Variants in PCDH11X observed in about 807,000 individuals in gnomAD.
PCDH11X encodes protocadherin-11 X-linked.
A neutral mutation model predicts 53.3 loss-of-function variants in PCDH11X; 18 were observed. The observed-to-expected ratio is 0.34, with a 90% confidence interval of 0.23 to 0.50. The LOEUF (loss-of-function observed/expected upper bound fraction) is 0.50. Among genes scored for constraint, PCDH11X ranks in the 20% least tolerant of loss-of-function variants. PCDH11X has a pLI of 0.98. For missense variants in PCDH11X, 570 were observed against 1,032.4 expected (o/e 0.55, Z 6.14); for synonymous variants, 279 against 393.3 (o/e 0.71, Z 3.44).
chrX:92,395,781 G>A (rs1032418400), intron 9 of PCDH11X, among the ~76,000 whole-genome samples: 18 of 110,413 alleles, frequency 1.6e-4, no homozygotes, highest in Middle Eastern at 4.2e-3. Flanking sequence ...ATCGTTTATC[G>A]TGTTCTAAAA....
intron 6 of PCDH11X, among the ~76,000 whole-genome samples, chrX:92,088,406 C>T (rs1158597681): frequency 9.1e-6 from 1 of 110,316 alleles, no homozygotes; most frequent in Non-Finnish European, 1.9e-5. Context: ...TGCTTTGGTC[C>T]ATGTATCCAT....
At chrX:92,262,790 T>C (rs1005560019) in intron 7 of PCDH11X, among the ~76,000 whole-genome samples, 3 of 111,417 alleles carry the variant, frequency 2.7e-5, no homozygotes, top group Non-Finnish European at 3.8e-5. Context: ...GAATATCTAA[T>C]TGGAAGGGTG....
In PCDH11X at chrX:92,104,081, G is replaced by A. The variant is rs370399800; in HGVS notation, c.3034-97294G>A. Among the ~76,000 whole-genome samples the A allele has an allele frequency of 3.9e-4, 43 of 111,449 alleles. No individual in the cohort carries two copies. The East Asian group carries it at 6.8e-3, about 18-fold the overall frequency. On this transcript the variant is annotated intron_variant, in intron 6 of 10. Coordinates refer to ENST00000682573, the MANE Select transcript of PCDH11X (RefSeq NM_032968.5). ...AGAGCCTAAACACTATCTGATTTGG[G>A]ATAAAGAAAAAGGAGCATTAACCTT...
At chrX:91,833,364 AAC>A (rs1036829047) in intron 4 of PCDH11X, among the ~76,000 whole-genome samples, 4 of 109,935 alleles carry the variant, frequency 3.6e-5, no homozygotes, top group Non-Finnish European at 7.6e-5. Flanking sequence ...TCACCTTCAT[AAC>A]AGAGTATAAA....
chrX:92,086,392 G>A (rs1434061847), intron 6 of PCDH11X, among the ~76,000 whole-genome samples: 1 of 111,414 alleles, frequency 9.0e-6, no homozygotes, highest in African/African-American at 3.3e-5. Flanking sequence ...GTTATATACA[G>A]TTAAATCCAG....
intron 1 of PCDH11X, among the ~76,000 whole-genome samples, chrX:91,796,098 G>A (rs1367434096): frequency 1.8e-5 from 2 of 111,762 alleles, no homozygotes; most frequent in Middle Eastern, 4.7e-3. Flanking sequence ...AACAAGTTTG[G>A]TTAAGTGCAA....
chrX:91,796,630 A>G (rs1935743804), intron 1 of PCDH11X, among the ~76,000 whole-genome samples: 1 of 111,737 alleles, frequency 8.9e-6, no homozygotes, highest in Non-Finnish European at 1.9e-5. Context: ...CAAGTTCACA[A>G]TAACTGAAAA....
intron 6 of PCDH11X, among the ~76,000 whole-genome samples, chrX:92,121,474 C>T (rs996204555): frequency 1.8e-5 from 2 of 111,194 alleles, no homozygotes; most frequent in Admixed American, 1.9e-4. Flanking sequence ...GTTTTTAATC[C>T]AATCTGAGAA....
In PCDH11X at chrX:92,284,976, T is replaced by G. The variant is rs541605446; in HGVS notation, c.3144+21833T>G. Among the ~76,000 whole-genome samples, 4 of 111,435 alleles carry G rather than the reference T, an allele frequency of 3.6e-5. No homozygotes were observed. In the South Asian group the frequency reaches 1.5e-3, roughly 43 times the overall value. On this transcript the variant is annotated intron_variant, in intron 8 of 10. Coordinates refer to ENST00000682573, the MANE Select transcript of PCDH11X (RefSeq NM_032968.5). ...TGTGGCATCTGGAAGCCCATAGACA[T>G]TAAAAGCACTTTTTTCCACTTTTTC...
intron 9 of PCDH11X, among the ~76,000 whole-genome samples, chrX:92,430,545 C>T (rs1357962498): frequency 1.1e-5 from 1 of 94,043 alleles, no homozygotes; most frequent in Non-Finnish European, 2.3e-5. Context: ...TGTGGTTGAA[C>T]TTTGACCATT....
chrX:91,975,032 A>T (rs1602599526), intron 6 of PCDH11X, among the ~76,000 whole-genome samples: 1 of 111,226 alleles, frequency 9.0e-6, no homozygotes, highest in South Asian at 3.8e-4. Flanking sequence ...AATTACAGGC[A>T]TGAGCCGCCA....
intron 5 of PCDH11X, among the ~76,000 whole-genome samples, chrX:91,875,728 A>G (rs987409054): frequency 9.0e-6 from 1 of 111,028 alleles, no homozygotes; most frequent in Admixed American, 9.6e-5. Context: ...ATGTTAAAAA[A>G]AAAACAGTAA....
intron 6 of PCDH11X, among the ~76,000 whole-genome samples, chrX:91,937,621 CAG>C (rs909656324): frequency 1.2e-4 from 13 of 109,938 alleles, no homozygotes; most frequent in African/African-American, 3.6e-4. Flanking sequence ...TTCTGATATG[CAG>C]AGTTTTTACT....
intron 9 of PCDH11X, among the ~76,000 whole-genome samples, chrX:92,398,279 C>G (rs1201829061): frequency 1.8e-5 from 2 of 110,900 alleles, no homozygotes; most frequent in African/African-American, 6.6e-5. Context: ...GCCCAACAGT[C>G]TGAAGTGAAT....
chrX:92,336,203 C>T (rs2069615049), intron 8 of PCDH11X, among the ~76,000 whole-genome samples: 1 of 111,593 alleles, frequency 9.0e-6, no homozygotes, highest in Non-Finnish European at 1.9e-5. Flanking sequence ...TTGATTTATT[C>T]TTATGTTACA....
At position 92,622,197 on chromosome X, in the gene PCDH11X, G is replaced by GTAA. The variant is rs1434958504; in HGVS notation, c.*3259_*3261dup. Reference sequence around the variant, plus strand: ...AATAATAAATGGTTAGTGCTATTGTGTAATGGTAGCAGTTACAAAGAGCCT... The same window carrying GTAA: ...AATAATAAATGGTTAGTGCTATTGTGTAATAATGGTAGCAGTTACAAAGAGCCT... On this transcript the variant is annotated 3_prime_UTR_variant, in exon 11 of 11. Transcript: ENST00000682573. The GTAA allele has an allele frequency of 1.0e-5, 1 of 99,520 alleles. No homozygotes were observed. The highest frequency in any genetic ancestry group is 3.1e-4 in the East Asian group (1 of 3,261). The allele number at this position is 99,520 out of a possible 1,213,427, so 8.2% of individuals were successfully genotyped here. A position where few individuals can be genotyped will look rare whatever the true frequency, so the allele number is the denominator to read the frequency against.
At chrX:92,271,637 G>A (rs747465153) in intron 8 of PCDH11X, among the ~76,000 whole-genome samples, 17 of 111,995 alleles carry the variant, frequency 1.5e-4, no homozygotes, top group South Asian at 1.5e-3. Context: ...TGTCATAGAT[G>A]AAGTGTGAAT....
chrX:91,936,394 C>G lies in PCDH11X; in HGVS notation c.3033+57121C>G, dbSNP rs34645003. 7.4e-3 allele frequency among the ~76,000 whole-genome samples: 811 copies of G among 109,195 alleles called. 70 individuals are homozygous for G. In the East Asian group the frequency reaches 0.21, roughly 28 times the overall value. 94.8% of individuals were successfully genotyped at this position (109,195 alleles called of 115,157 possible). A position where few individuals can be genotyped will look rare whatever the true frequency, so the allele number is the denominator to read the frequency against. ...TTGATTTGCCTAAGTAATTTTAACC[C>G]TCTTAACATTTAGCTAATGTATACA... On this transcript the variant is annotated intron_variant, in intron 6 of 10. Coordinates refer to ENST00000682573, the MANE Select transcript of PCDH11X (RefSeq NM_032968.5).
At chrX:92,580,063 G>A (rs1398019979) in intron 10 of PCDH11X, among the ~76,000 whole-genome samples, 1 of 104,705 alleles carries the variant, frequency 9.6e-6, no homozygotes, top group Admixed American at 1.0e-4. Context: ...CACACCTGGA[G>A]GTGTCACCAG....
Sources: allele counts gnomAD v4.1 joint callset (sites outside exome capture counted in the v4.1 genomes callset), GRCh38; gene constraint gnomAD v4.1.1; transcripts MANE v1.5; gene names NCBI Gene and HGNC (gene_info 2026-07-23, HGNC 2026-07-21).